Variants in ALK observed in about 807,000 individuals in gnomAD.
The protein encoded by ALK is ALK receptor tyrosine kinase.
In ALK, 74 loss-of-function variants were observed where a neutral mutation model predicts 163.1. The ratio of observed to expected loss-of-function variants is 0.45; its 90% CI spans 0.38 to 0.55. ALK has a LOEUF of 0.55. ALK is among the 20% of genes least tolerant of loss of function. ALK has a pLI of 0.00. For synonymous variants in ALK, 960 were observed against 843.2 expected, an observed-to-expected ratio of 1.14 and a Z score of -2.40; for missense variants, 2,063 against 2,105.3, an observed-to-expected ratio of 0.98 and a Z score of 0.39.
intron 4 of ALK, among the ~76,000 whole-genome samples, chr2:29,509,192 G>T (rs1490289624): frequency 6.6e-6 from 1 of 152,078 alleles, no homozygotes; most frequent in African/African-American, 2.4e-5. Flanking sequence ...TAAATTTGGG[G>T]ACACTCAACA....
At chr2:29,383,695 G>A (rs745316723) in intron 5 of ALK, 37 bp downstream of exon 5, 3 of 1,613,608 alleles carry the variant, frequency 1.9e-6, no homozygotes, top group Non-Finnish European at 1.7e-6. Flanking sequence ...TAACACAATA[G>A]GCTACCAAGG....
chr2:29,484,818 T>C (rs1027579907), intron 4 of ALK, among the ~76,000 whole-genome samples: 3 of 152,238 alleles, frequency 2.0e-5, no homozygotes, highest in Non-Finnish European at 4.4e-5. Flanking sequence ...CAAAATTCTA[T>C]GTTGACAACT....
At chr2:29,357,465 G>A (rs970993703) in intron 5 of ALK, among the ~76,000 whole-genome samples, 3 of 152,132 alleles carry the variant, frequency 2.0e-5, no homozygotes, top group Non-Finnish European at 4.4e-5. Flanking sequence ...TCATACCACC[G>A]CTTCTAGCTT....
At chr2:29,575,980 C>A (rs1450028033) in intron 3 of ALK, among the ~76,000 whole-genome samples, 1 of 152,108 alleles carries the variant, frequency 6.6e-6, no homozygotes, top group Admixed American at 6.5e-5. Context: ...CTGTGCACCT[C>A]CTGAGCCTCC....
intron 5 of ALK, among the ~76,000 whole-genome samples, chr2:29,344,791 G>A (rs1013868605): frequency 1.3e-5 from 2 of 152,218 alleles, no homozygotes. Flanking sequence ...GAGAAGGAGT[G>A]TCCAGCCAGG....
At chr2:29,300,578 A>T (rs111267025) in intron 8 of ALK, among the ~76,000 whole-genome samples, 1,629 of 147,234 alleles carry the variant, frequency 0.011, 29 homozygotes, top group African/African-American at 0.038. Context: ...AAAAAAATGC[A>T]TGTGCCCTAA....
At chr2:29,589,899 A>G (rs1325189873) in intron 3 of ALK, among the ~76,000 whole-genome samples, 2 of 152,232 alleles carry the variant, frequency 1.3e-5, no homozygotes, top group African/African-American at 4.8e-5. Context: ...GCAGAAAGGA[A>G]AGTAAACAGT....
intron 26 of ALK, among the ~76,000 whole-genome samples, chr2:29,200,054 G>T (rs1430278674): frequency 6.6e-6 from 1 of 152,094 alleles, no homozygotes; most frequent in African/African-American, 2.4e-5. Context: ...GAGACAGACT[G>T]GAATACATTA....
intron 3 of ALK, among the ~76,000 whole-genome samples, chr2:29,667,586 A>C (rs1434755286): frequency 6.6e-6 from 1 of 151,298 alleles, no homozygotes; most frequent in African/African-American, 2.4e-5. Context: ...TAGGTGTAAG[A>C]TATGTTATTG....
At chr2:29,728,123 A>T (rs1056943915) in intron 1 of ALK, among the ~76,000 whole-genome samples, 3 of 134,218 alleles carry the variant, frequency 2.2e-5, no homozygotes, top group African/African-American at 1.2e-4. Context: ...GATGTTTTTA[A>T]AAAAAAAATC....
intron 7 of ALK, among the ~76,000 whole-genome samples, chr2:29,319,548 C>T (rs1666945579): frequency 6.6e-6 from 1 of 152,074 alleles, no homozygotes; most frequent in South Asian, 2.1e-4. Context: ...TTCTGTGGGG[C>T]TCCAGGGGGC....
chr2:29,896,561 G>C (rs758546517), intron 1 of ALK, among the ~76,000 whole-genome samples: 3 of 132,546 alleles, frequency 2.3e-5, no homozygotes, highest in Non-Finnish European at 5.0e-5. Flanking sequence ...AAATCAAGGA[G>C]AGAGGTCTCA....
intron 5 of ALK, among the ~76,000 whole-genome samples, chr2:29,378,504 G>A (rs188183359): frequency 2.6e-5 from 4 of 152,216 alleles, no homozygotes; most frequent in East Asian, 1.9e-4. Context: ...TTAGGTCTCC[G>A]TGCCTTGATT....
At chr2:29,284,384 C>T (rs1665796119) in intron 9 of ALK, among the ~76,000 whole-genome samples, 1 of 152,148 alleles carries the variant, frequency 6.6e-6, no homozygotes, top group Non-Finnish European at 1.5e-5. Flanking sequence ...CAATTATCTC[C>T]TAAATTGCAG....
chr2:29,815,178 A>T (rs921260605), intron 1 of ALK, among the ~76,000 whole-genome samples: 2 of 151,576 alleles, frequency 1.3e-5, no homozygotes, highest in African/African-American at 4.9e-5. Flanking sequence ...ATAATGGTGC[A>T]ACATTGGATA....
chr2:29,864,057 AC>A (rs1317413078), intron 1 of ALK, among the ~76,000 whole-genome samples: 2 of 152,186 alleles, frequency 1.3e-5, no homozygotes, highest in Non-Finnish European at 2.9e-5. Flanking sequence ...AAATATAAGT[AC>A]TATTGTCCCC....
chr2:29,565,082 T>C (rs894493729), intron 3 of ALK, among the ~76,000 whole-genome samples: 2 of 152,222 alleles, frequency 1.3e-5, no homozygotes, highest in African/African-American at 4.8e-5. Context: ...GACACGGAGC[T>C]GGAGAAGGGA....
At chr2:29,553,663 T>C (rs1484299349) in intron 3 of ALK, among the ~76,000 whole-genome samples, 1 of 152,218 alleles carries the variant, frequency 6.6e-6, no homozygotes, top group Non-Finnish European at 1.5e-5. Flanking sequence ...AACTGAACTC[T>C]TGATTTATAT....
At chr2:29,697,966 C>T (rs1678621944) in intron 2 of ALK, among the ~76,000 whole-genome samples, 1 of 152,162 alleles carries the variant, frequency 6.6e-6, no homozygotes, top group South Asian at 2.1e-4. Flanking sequence ...TAACACTAAC[C>T]AAACTATTCA....
Sources: allele counts gnomAD v4.1 joint callset (sites outside exome capture counted in the v4.1 genomes callset), GRCh38; gene constraint gnomAD v4.1.1; transcripts MANE v1.5; gene names NCBI Gene and HGNC (gene_info 2026-07-23, HGNC 2026-07-21).